The following C18orf54 variants were observed in gnomAD, a reference collection of about 807,000 sequenced individuals.
C18orf54 encodes lung adenoma susceptibility protein 2.
A neutral mutation model predicts 49.3 loss-of-function variants in C18orf54; 49 were observed. The observed-to-expected ratio is 0.99, with a 90% CI of 0.79 to 1.26. C18orf54 has a LOEUF of 1.26. Ranked by LOEUF, C18orf54 falls within the 50% of genes most tolerant of loss-of-function variation. The pLI is 0.00. For synonymous variants in C18orf54, 211 were observed against 216.6 expected (o/e 0.97, Z 0.23); for missense variants, 687 against 620.6 (o/e 1.11, Z -1.14).
In C18orf54 at chr18:54,362,921, TGTAA is replaced by T; in HGVS notation, c.1223+7_1223+10del. 1.3e-6 allele frequency: 2 copies of T among 1,587,456 alleles called. No homozygotes were observed. Among genetic ancestry groups the T allele is most frequent in the East Asian group, 4.5e-5 (2 of 44,508 alleles). ...TCATGGGAAAATATTCCTGTTACTT[TGTAA>T]GTAAGTGGCAATGGAAAAACTGTTT... On this transcript the variant is annotated splice_donor_variant and splice_donor_region_variant and intron_variant, in intron 5 of 8. Transcript: ENST00000620105. LOFTEE classifies it high-confidence loss of function.
rs762392845 is a variant in C18orf54, at chr18:54,361,966, A to G, written c.607A>G (p.Lys203Glu). 1.9e-6 allele frequency: 3 copies of G among 1,613,966 alleles called. No homozygotes were observed. Among genetic ancestry groups the G allele is most frequent in the South Asian group, 2.2e-5 (2 of 91,060 alleles). ...GKQCGRLKNP[K>E]LMNRTNNCIS... ...GCAATGTGGTAGGCTGAAAAACCCAAAACTTATGAATAGGACTAATAATTG... is the reference window on the plus strand; with the variant it reads ...GCAATGTGGTAGGCTGAAAAACCCAGAACTTATGAATAGGACTAATAATTG... Residue 203 changes from lysine (K) to glutamate (E), a missense_variant, in exon 4 of 9, where the codon AAA becomes GAA. By Grantham distance (56) the Lys-to-Glu change is moderately conservative. Coordinates refer to ENST00000620105, the MANE Select transcript of C18orf54 (RefSeq NM_001288980.2).
rs774269355 is a variant in C18orf54, at chr18:54,362,060, A to T, written c.701A>T (p.Glu234Val). Residue 234 changes from glutamate (E) to valine (V), a missense_variant, in exon 4 of 9, where the codon GAA becomes GTA. Physicochemically the swap from Glu to Val is moderately radical, Grantham distance 121. Coordinates refer to ENST00000620105, the MANE Select transcript of C18orf54 (RefSeq NM_001288980.2). ...AAGGACAGTTCAGAACACAGTCTTGAAAAGAATTACCCAAGATGGCTCACT... is the reference window on the plus strand; with the variant it reads ...AAGGACAGTTCAGAACACAGTCTTGTAAAGAATTACCCAAGATGGCTCACT... ...SFKDSSEHSL[E>V]KNYPRWLTSQ... 7.4e-5 allele frequency: 115 copies of T among 1,555,804 alleles called. No homozygotes were observed. The highest frequency in any genetic ancestry group is 9.6e-5 in the Non-Finnish European group (111 of 1,152,454).
intron 8 of C18orf54, among the ~76,000 whole-genome samples, chr18:54,377,070 C>T (rs2089587172): frequency 1.3e-5 from 2 of 151,532 alleles, no homozygotes; most frequent in African/African-American, 2.4e-5. Flanking sequence ...CTTTTGTTGC[C>T]CAGGCTGGAG....
At chr18:54,371,460 A>C (rs913692640) in intron 6 of C18orf54, among the ~76,000 whole-genome samples, 1 of 152,152 alleles carries the variant, frequency 6.6e-6, no homozygotes, top group Admixed American at 6.5e-5. Flanking sequence ...ATGGGTATAC[A>C]AATATCTACC....
chr18:54,366,867 A>C (rs1258438682), intron 6 of C18orf54, among the ~76,000 whole-genome samples: 1 of 152,000 alleles, frequency 6.6e-6, no homozygotes. Flanking sequence ...ACAAGTGATT[A>C]TTTCTTAAGG....
At position 54,378,235 on chromosome 18, in the gene C18orf54, C is replaced by T; in HGVS notation, c.1591C>T (p.Pro531Ser). 1.9e-6 allele frequency: 3 copies of T among 1,613,060 alleles called. No homozygotes were observed. Among genetic ancestry groups the T allele is most frequent in the Non-Finnish European group, 2.5e-6 (3 of 1,179,362 alleles). Residue 531 changes from proline to serine, a missense_variant, in exon 9 of 9, where the codon CCG (proline) becomes TCG (serine). Coordinates refer to ENST00000620105, the MANE Select transcript of C18orf54 (RefSeq NM_001288980.2). ...TGATGATACGAATGGAGAACGGTCA[C>T]CGAAAATGTGAAGAGGAAAATGAAA... The part of the protein sequence containing the change: ...LVDDTNGERS[P>S]KM
Position 54,374,622 on chromosome 18 carries a change from C to G in C18orf54, c.1529+338C>G, listed in dbSNP as rs73476847. Among the ~76,000 whole-genome samples the G allele has an allele frequency of 3.9e-3, 589 of 151,726 alleles. 5 individuals carry two copies. Among genetic ancestry groups the G allele is most frequent in the African/African-American group, 0.014 (565 of 41,446 alleles). On this transcript the variant is annotated intron_variant, in intron 8 of 8. Transcript: ENST00000620105. ...TGAAATGTGTTTTCATATATTCTCT[C>G]TAGAATAAATTTAATAATAAATGGA... is the stretch of plus-strand genomic sequence containing the variant.
intron 8 of C18orf54, among the ~76,000 whole-genome samples, chr18:54,376,456 T>C (rs4430819): frequency 0.75 from 112,560 of 151,064 alleles, 42,247 homozygotes; most frequent in African/African-American, 0.86. Flanking sequence ...GCCTCGGCCT[T>C]CCAAAGTGCT....
At chr18:54,372,152 C>T (rs780440856) in intron 6 of C18orf54, among the ~76,000 whole-genome samples, 3 of 151,898 alleles carry the variant, frequency 2.0e-5, no homozygotes, top group Non-Finnish European at 2.9e-5. Flanking sequence ...CCTTTCATTT[C>T]ATTTACAATT....
chr18:54,365,956 C>G (rs890135578), intron 6 of C18orf54, 135 bp downstream of exon 6: 4 of 340,150 alleles, frequency 1.2e-5, no homozygotes, highest in African/African-American at 8.6e-5. Flanking sequence ...ATCATTCCTT[C>G]CAGAATTATT....
chr18:54,366,909 T>C (rs1038539145), intron 6 of C18orf54, among the ~76,000 whole-genome samples: 4 of 152,230 alleles, frequency 2.6e-5, no homozygotes, highest in Middle Eastern at 3.4e-3. Flanking sequence ...TAAACCATAA[T>C]AATGACCTTC....
At chr18:54,370,501 C>T (rs1220780156) in intron 6 of C18orf54, among the ~76,000 whole-genome samples, 3 of 152,046 alleles carry the variant, frequency 2.0e-5, no homozygotes, top group Non-Finnish European at 2.9e-5. Context: ...ACAGCGATGA[C>T]TATATATTGG....
intron 6 of C18orf54, among the ~76,000 whole-genome samples, chr18:54,367,210 C>G (rs557630629): frequency 3.3e-5 from 5 of 152,044 alleles, no homozygotes; most frequent in Non-Finnish European, 7.4e-5. Context: ...TTACTGTACT[C>G]TGGTCATTTT....
At chr18:54,359,122 G>C (rs760810131) in intron 2 of C18orf54, among the ~76,000 whole-genome samples, 9 of 152,200 alleles carry the variant, frequency 5.9e-5, no homozygotes, top group Admixed American at 1.3e-4. Flanking sequence ...TGTCCTGTGA[G>C]TTGAAATAAC....
At chr18:54,367,665 C>T (rs2089411341) in intron 6 of C18orf54, among the ~76,000 whole-genome samples, 1 of 152,000 alleles carries the variant, frequency 6.6e-6, no homozygotes, top group African/African-American at 2.4e-5. Flanking sequence ...GCAGTGTAAC[C>T]ATAGTGTGCC....
chr18:54,371,888 C>G (rs898063941), intron 6 of C18orf54, among the ~76,000 whole-genome samples: 1 of 152,066 alleles, frequency 6.6e-6, no homozygotes, highest in African/African-American at 2.4e-5. Flanking sequence ...AAATATCCCT[C>G]ACCGATTATC....
At chr18:54,364,263 C>G (rs2089334568) in intron 5 of C18orf54, among the ~76,000 whole-genome samples, 1 of 151,902 alleles carries the variant, frequency 6.6e-6, no homozygotes, top group Non-Finnish European at 1.5e-5. Context: ...AGTATCATAG[C>G]TGCAATACTT....
intron 6 of C18orf54, among the ~76,000 whole-genome samples, chr18:54,367,889 T>C (rs1177235960): frequency 6.6e-6 from 1 of 152,156 alleles, no homozygotes; most frequent in Non-Finnish European, 1.5e-5. Context: ...CTTTACTCTT[T>C]TTCCTTCTCT....
intron 5 of C18orf54, among the ~76,000 whole-genome samples, chr18:54,363,563 G>A (rs927560489): frequency 4.4e-4 from 67 of 152,018 alleles, no homozygotes; most frequent in African/African-American, 9.9e-4. Flanking sequence ...TGATCCGCCC[G>A]CCTCTGCCTC....
Sources: allele counts gnomAD v4.1 joint callset (sites outside exome capture counted in the v4.1 genomes callset), GRCh38; gene constraint gnomAD v4.1.1; transcripts MANE v1.5; gene names NCBI Gene and HGNC (gene_info 2026-07-23, HGNC 2026-07-21).